MEIKIN: variants seen among roughly 807,000 people sequenced by gnomAD.
The protein encoded by MEIKIN is meiosis-specific kinetochore protein.
intron 5 of MEIKIN, among the ~76,000 whole-genome samples, chr5:131,929,958 G>T (rs1029157679): frequency 2.0e-5 from 3 of 152,052 alleles, no homozygotes; most frequent in Non-Finnish European, 4.4e-5. Flanking sequence ...TTGATTCCAC[G>T]TCTCTGCTAT....
At chr5:131,833,251 G>A (rs1255588662) in intron 11 of MEIKIN, among the ~76,000 whole-genome samples, 1 of 152,132 alleles carries the variant, frequency 6.6e-6, no homozygotes, top group Admixed American at 6.5e-5. Flanking sequence ...AATCTCTAGG[G>A]TAGGGGCAAA....
chr5:131,874,035 G>A (rs1323445990), intron 9 of MEIKIN, among the ~76,000 whole-genome samples: 1 of 152,140 alleles, frequency 6.6e-6, no homozygotes, highest in Non-Finnish European at 1.5e-5. Context: ...GCCCACAAGA[G>A]AAAGCAGGAA....
At chr5:131,896,704 T>A (rs1194412729) in intron 8 of MEIKIN, among the ~76,000 whole-genome samples, 1 of 152,174 alleles carries the variant, frequency 6.6e-6, no homozygotes, top group Non-Finnish European at 1.5e-5. Context: ...GGATTGCAAC[T>A]ACTGCTTTTT....
chr5:131,906,214 GA>G (rs1751239957), intron 8 of MEIKIN, among the ~76,000 whole-genome samples: 1 of 152,150 alleles, frequency 6.6e-6, no homozygotes, highest in African/African-American at 2.4e-5. Context: ...CAAAGGACAT[GA>G]ACAGACACTC....
chr5:131,822,823 C>T (rs1204357424), intron 11 of MEIKIN, among the ~76,000 whole-genome samples: 4 of 151,922 alleles, frequency 2.6e-5, no homozygotes, highest in Non-Finnish European at 4.4e-5. Context: ...CCTTTTCTTT[C>T]AGAATGAAGA....
chr5:131,842,342 T>C (rs999667551), intron 11 of MEIKIN, among the ~76,000 whole-genome samples: 5 of 152,198 alleles, frequency 3.3e-5, no homozygotes, highest in Non-Finnish European at 7.3e-5. Flanking sequence ...AGTACTATGC[T>C]GAATAGAAGT....
intron 5 of MEIKIN, among the ~76,000 whole-genome samples, chr5:131,923,362 G>A (rs1001439509): frequency 2.4e-4 from 36 of 152,072 alleles, no homozygotes; most frequent in African/African-American, 8.7e-4. Context: ...TTTATAGCTC[G>A]AAAAATGTTC....
chr5:131,876,398 C>T (rs1343294242), intron 9 of MEIKIN, among the ~76,000 whole-genome samples: 1 of 151,102 alleles, frequency 6.6e-6, no homozygotes, highest in Non-Finnish European at 1.5e-5. Context: ...TGAAAAAATG[C>T]TCATCATCAC....
intron 11 of MEIKIN, among the ~76,000 whole-genome samples, chr5:131,849,878 T>C (rs908713987): frequency 1.3e-5 from 2 of 151,850 alleles, no homozygotes; most frequent in Admixed American, 6.6e-5. Flanking sequence ...AAGCAAGAAG[T>C]AAAATTATCT....
intron 9 of MEIKIN, among the ~76,000 whole-genome samples, chr5:131,867,110 T>C (rs1750397518): frequency 6.6e-6 from 1 of 152,232 alleles, no homozygotes; most frequent in Non-Finnish European, 1.5e-5. Flanking sequence ...CATTCTAATC[T>C]GGTTTGCCTC....
chr5:131,868,574 T>C (rs893619441), intron 9 of MEIKIN, among the ~76,000 whole-genome samples: 2 of 152,184 alleles, frequency 1.3e-5, no homozygotes, highest in Admixed American at 6.5e-5. Context: ...GTTGTTGTTG[T>C]TGTTTTTATT....
intron 8 of MEIKIN, 120 bp downstream of exon 8, chr5:131,911,695 G>A (rs564480840): frequency 5.2e-6 from 2 of 383,886 alleles, no homozygotes; most frequent in Non-Finnish European, 4.6e-6. Flanking sequence ...AAAGTACTCG[G>A]TTCACTGGGC....
Position 131,851,263 on chromosome 5 carries a change from C to T in MEIKIN, c.975+1G>A, listed in dbSNP as rs1230038693. The T allele has an allele frequency of 2.5e-6, 1 of 397,794 alleles. No homozygotes were observed. The highest frequency in any genetic ancestry group is 2.1e-5 in the African/African-American group (1 of 48,568). 24.6% of individuals were successfully genotyped at this position (397,794 alleles called of 1,614,324 possible). On this transcript the variant is annotated splice_donor_variant, in intron 11 of 12. Coordinates refer to ENST00000442687, the MANE Select transcript of MEIKIN (RefSeq NM_001303622.2). LOFTEE classifies it high-confidence loss of function. The stretch of plus-strand genomic sequence containing the variant: ...ATTGAAGGAAAAATGGAAAATACTA[C>T]CTCATTTGAAGAATTTTCCTGCAAA...
intron 11 of MEIKIN, among the ~76,000 whole-genome samples, chr5:131,820,207 G>A (rs1749471476): frequency 6.6e-6 from 1 of 151,908 alleles, no homozygotes; most frequent in African/African-American, 2.4e-5. Context: ...GAGTAGATGG[G>A]ATTACAGGTG....
At chr5:131,830,150 G>C (rs1749690006) in intron 11 of MEIKIN, among the ~76,000 whole-genome samples, 1 of 152,184 alleles carries the variant, frequency 6.6e-6, no homozygotes, top group African/African-American at 2.4e-5. Context: ...AGCACTTTGA[G>C]AGGCTGAGGT....
intron 9 of MEIKIN, among the ~76,000 whole-genome samples, chr5:131,868,717 CAAAAAAA>C (rs56823877): frequency 2.7e-5 from 2 of 74,976 alleles, no homozygotes; most frequent in Non-Finnish European, 2.9e-5. Flanking sequence ...TCTGTCTCTA[CAAAAAAA>C]AAAAAAAAAA....
chr5:131,917,423 G>A (rs970846195), intron 6 of MEIKIN, among the ~76,000 whole-genome samples: 25 of 151,744 alleles, frequency 1.6e-4, no homozygotes, highest in Non-Finnish European at 3.2e-4. Context: ...AAAATTAGCC[G>A]GCCGTGGCAG....
chr5:131,823,529 T>C (rs986132543), intron 11 of MEIKIN, among the ~76,000 whole-genome samples: 1 of 152,098 alleles, frequency 6.6e-6, no homozygotes, highest in African/African-American at 2.4e-5. Flanking sequence ...GATTTCTGCT[T>C]GATTCTTTTG....
intron 5 of MEIKIN, among the ~76,000 whole-genome samples, chr5:131,923,473 T>C (rs1751539750): frequency 6.6e-6 from 1 of 152,052 alleles, no homozygotes; most frequent in Non-Finnish European, 1.5e-5. Context: ...TTCTATCTTA[T>C]ATTTTTTTCC....
Sources: allele counts gnomAD v4.1 joint callset (sites outside exome capture counted in the v4.1 genomes callset), GRCh38; gene constraint gnomAD v4.1.1; transcripts MANE v1.5; gene names NCBI Gene and HGNC (gene_info 2026-07-23, HGNC 2026-07-21).